Variants in RBFOX1 observed in about 807,000 individuals in gnomAD.
RBFOX1 encodes RNA binding fox-1 homolog 1.
In RBFOX1, 8 loss-of-function variants were observed where a neutral mutation model predicts 57.7. The observed-to-expected ratio is 0.14, with a 90% confidence interval of 0.08 to 0.25. The LOEUF is 0.25. Ranked by LOEUF, RBFOX1 falls within the 10% of genes least tolerant of loss-of-function variation. RBFOX1 has a pLI of 1.00. For missense variants in RBFOX1, 611 were observed against 548.5 expected, an observed-to-expected ratio of 1.11 and a Z score of -1.14; for synonymous variants, 326 against 222.4, an observed-to-expected ratio of 1.47 and a Z score of -4.15.
At chr16:6,969,889 G>A (rs1054351135) in intron 3 of RBFOX1, among the ~76,000 whole-genome samples, 3 of 152,176 alleles carry the variant, frequency 2.0e-5, no homozygotes, top group African/African-American at 4.8e-5. Flanking sequence ...ATGCAATGTT[G>A]TGTCACTTGA....
At chr16:6,806,396 G>C (rs2154262110) in intron 3 of RBFOX1, among the ~76,000 whole-genome samples, 1 of 152,262 alleles carries the variant, frequency 6.6e-6, no homozygotes, top group Middle Eastern at 3.4e-3. Context: ...GGAAAAACCA[G>C]AAAGACTGTA....
At chr16:7,319,110 G>T (rs892133106) in intron 4 of RBFOX1, among the ~76,000 whole-genome samples, 1 of 152,006 alleles carries the variant, frequency 6.6e-6, no homozygotes, top group Non-Finnish European at 1.5e-5. Context: ...AAATCCTTCA[G>T]TTCCCTTTTG....
intron 4 of RBFOX1, among the ~76,000 whole-genome samples, chr16:7,337,691 T>C (rs567134169): frequency 6.6e-6 from 1 of 152,280 alleles, no homozygotes; most frequent in East Asian, 1.9e-4. Flanking sequence ...TGTTTGTTTG[T>C]TTGCTTGTTT....
At chr16:6,068,694 C>G (rs1254879297) in intron 1 of RBFOX1, among the ~76,000 whole-genome samples, 7 of 152,126 alleles carry the variant, frequency 4.6e-5, no homozygotes, top group East Asian at 3.9e-4. Context: ...GGACTCAGAT[C>G]TTATAGATGA....
At chr16:6,710,048 G>A (rs2063454129) in intron 3 of RBFOX1, among the ~76,000 whole-genome samples, 1 of 152,176 alleles carries the variant, frequency 6.6e-6, no homozygotes, top group Non-Finnish European at 1.5e-5. Context: ...TTGAGAGATG[G>A]GACAGTGTTG....
intron 3 of RBFOX1, among the ~76,000 whole-genome samples, chr16:5,834,571 A>G (rs963594065): frequency 1.5e-4 from 22 of 143,352 alleles, no homozygotes; most frequent in African/African-American, 5.8e-4. Flanking sequence ...ATAGAAGTGC[A>G]TGTGTCATAG....
chr16:6,169,829 A>G (rs148032585), intron 1 of RBFOX1, among the ~76,000 whole-genome samples: 3,303 of 129,588 alleles, frequency 0.025, 128 homozygotes, highest in African/African-American at 0.086. Context: ...CAGTGGTGCA[A>G]TCTCAGCTCA....
intron 4 of RBFOX1, among the ~76,000 whole-genome samples, chr16:5,939,912 A>G (rs1454663902): frequency 6.6e-6 from 1 of 152,180 alleles, no homozygotes; most frequent in Non-Finnish European, 1.5e-5. Flanking sequence ...AGTCAAGCAG[A>G]CTTGGGGTAG....
At chr16:7,653,117 G>A (rs1335583076) in intron 11 of RBFOX1, among the ~76,000 whole-genome samples, 1 of 152,148 alleles carries the variant, frequency 6.6e-6, no homozygotes, top group Non-Finnish European at 1.5e-5. Flanking sequence ...ATACACATAT[G>A]TGTATTTTGC....
intron 4 of RBFOX1, among the ~76,000 whole-genome samples, chr16:7,476,133 T>G (rs1402640887): frequency 6.6e-6 from 1 of 151,838 alleles, no homozygotes; most frequent in Admixed American, 6.6e-5. Context: ...ACCCAGCAAA[T>G]TTTTGTAGTT....
intron 2 of RBFOX1, among the ~76,000 whole-genome samples, chr16:6,545,091 C>G (rs1049155390): frequency 1.3e-5 from 2 of 152,122 alleles, no homozygotes; most frequent in Non-Finnish European, 2.9e-5. Flanking sequence ...AAAGTAATAA[C>G]AATGGCTTTC....
intron 3 of RBFOX1, among the ~76,000 whole-genome samples, chr16:6,890,410 T>G (rs999021292): frequency 5.3e-5 from 8 of 152,144 alleles, no homozygotes; most frequent in African/African-American, 1.9e-4. Context: ...TCCCAGCCAC[T>G]TGGAAGGCTG....
chr16:7,646,398 A>AC (rs1473102941), intron 11 of RBFOX1, among the ~76,000 whole-genome samples: 1 of 152,196 alleles, frequency 6.6e-6, no homozygotes, highest in Admixed American at 6.5e-5. Flanking sequence ...GCACATCTGC[A>AC]CCCCCAGAAT....
At chr16:6,776,645 C>G (rs1051805311) in intron 3 of RBFOX1, among the ~76,000 whole-genome samples, 1 of 152,038 alleles carries the variant, frequency 6.6e-6, no homozygotes, top group East Asian at 1.9e-4. Context: ...AATCGGTATG[C>G]CATCTCTACA....
intron 4 of RBFOX1, among the ~76,000 whole-genome samples, chr16:7,349,337 G>A (rs144066682): frequency 1.3e-5 from 2 of 152,174 alleles, no homozygotes; most frequent in Admixed American, 6.5e-5. Context: ...GCGCAAGATC[G>A]GTTTTCAATT....
intron 2 of RBFOX1, chr16:5,598,767 G>A (rs1172902333): frequency 3.0e-6 from 2 of 671,584 alleles, no homozygotes; most frequent in Non-Finnish European, 5.0e-6. Context: ...GGGGATGGGT[G>A]GAGAGACAGA....
At chr16:6,555,990 G>A (rs1056124402) in intron 2 of RBFOX1, among the ~76,000 whole-genome samples, 4 of 152,140 alleles carry the variant, frequency 2.6e-5, no homozygotes, top group African/African-American at 7.2e-5. Flanking sequence ...TATTGGAACC[G>A]ACTACATTTT....
At chr16:6,140,770 A>G (rs915331340) in intron 1 of RBFOX1, among the ~76,000 whole-genome samples, 2 of 152,108 alleles carry the variant, frequency 1.3e-5, no homozygotes, top group African/African-American at 2.4e-5. Flanking sequence ...TAAGCAAAAC[A>G]TCTTTAGCAT....
At chr16:6,328,123 G>A (rs2082589187) in intron 2 of RBFOX1, among the ~76,000 whole-genome samples, 1 of 152,180 alleles carries the variant, frequency 6.6e-6, no homozygotes, top group Non-Finnish European at 1.5e-5. Context: ...AAAAAGAAAT[G>A]AATTAGTGGC....
Sources: gnomAD v4.1 joint callset for allele counts (sites outside exome capture counted in the v4.1 genomes callset) on GRCh38, gnomAD v4.1.1 for gene constraint, MANE v1.5 for transcripts, NCBI Gene and HGNC (gene_info 2026-07-23, HGNC 2026-07-21) for gene names.